FREM3: variants seen among roughly 807,000 people sequenced by gnomAD.
The protein encoded by FREM3 is FRAS1-related extracellular matrix protein 3.
In FREM3, 105 loss-of-function variants were observed where a neutral mutation model predicts 129.1. The observed-to-expected ratio is 0.81, with a 90% CI of 0.69 to 0.96. The LOEUF is 0.96. Among genes scored for constraint, FREM3 ranks in the 40% least tolerant of loss-of-function variants. The pLI is 0.00. For missense variants in FREM3, 2,593 were observed against 2,666.3 expected (o/e 0.97, Z 0.61); for synonymous variants, 1,014 against 1,044.9 (o/e 0.97, Z 0.57).
intron 2 of FREM3, among the ~76,000 whole-genome samples, chr4:143,656,271 A>T (rs1739598839): frequency 6.6e-6 from 1 of 152,166 alleles, no homozygotes; most frequent in Non-Finnish European, 1.5e-5. Flanking sequence ...TCAAGTCCTG[A>T]GTTCTAAAAA....
intron 2 of FREM3, among the ~76,000 whole-genome samples, chr4:143,662,123 T>C (rs531289248): frequency 1.3e-5 from 2 of 152,254 alleles, no homozygotes; most frequent in Admixed American, 6.5e-5. Flanking sequence ...ATTTCTTGCC[T>C]TCTGCTAGCT....
intron 2 of FREM3, among the ~76,000 whole-genome samples, chr4:143,665,027 C>A (rs551540771): frequency 1.3e-5 from 2 of 152,180 alleles, no homozygotes; most frequent in African/African-American, 2.4e-5. Flanking sequence ...AACTCCCTGA[C>A]CCCTTGCACT....
Position 143,698,385 on chromosome 4 carries a change from A to G in FREM3, c.2291T>C (p.Leu764Pro). 2.0e-6 allele frequency: 3 copies of G among 1,537,880 alleles called. No homozygotes were observed. Among genetic ancestry groups the G allele is most frequent in the Non-Finnish European group, 1.7e-6 (2 of 1,147,070 alleles). The change falls in exon 1 of 8, where the codon CTC becomes CCC. Residue 764 changes from leucine (L) to proline (P), a missense_variant. This residue lies in a region of FREM3 where 2,276 missense variants were observed against 2,267.2 expected (regional missense o/e 1.00). Coordinates refer to ENST00000329798, the MANE Select transcript of FREM3 (RefSeq NM_001168235.2). ...NHQVRAGEIV[L>P]TDSPDTLIMH... ...GATGAGTGTGTCTGGTGAATCAGTGAGCACAATTTCTCCAGCCCGGACTTG... is the reference window on the plus strand; with the variant it reads ...GATGAGTGTGTCTGGTGAATCAGTGGGCACAATTTCTCCAGCCCGGACTTG...
chr4:143,634,763 T>C (rs1439487915), intron 2 of FREM3, among the ~76,000 whole-genome samples: 1 of 151,826 alleles, frequency 6.6e-6, no homozygotes, highest in East Asian at 1.9e-4. Flanking sequence ...TGTGTGAGGG[T>C]CAGTTACAGG....
In FREM3 at chr4:143,700,594, C is replaced by T. The variant is rs1740682545; in HGVS notation, c.82G>A (p.Ala28Thr). The change falls in exon 1 of 8, where the codon GCG becomes ACG. Residue 28 changes from alanine (A) to threonine (T), a missense_variant. Physicochemically the swap from Ala to Thr is moderately conservative, Grantham distance 58. Transcript: ENST00000329798. Reference sequence around the variant, plus strand: ...AGTGAGGATGCCCGTCCCTGCAGCGCGGGGCGACTCAAGAGCAGGCAGGCG... The same window carrying T: ...AGTGAGGATGCCCGTCCCTGCAGCGTGGGGCGACTCAAGAGCAGGCAGGCG... The part of the protein sequence containing the change: ...ALACLLLSRP[A>T]LQGRASSLGT... 4.1e-6 allele frequency: 6 copies of T among 1,473,926 alleles called. No individual in the cohort carries two copies. Among genetic ancestry groups the T allele is most frequent in the Middle Eastern group, 1.9e-4 (1 of 5,304 alleles). The allele number at this position is 1,473,926 out of a possible 1,614,324, so 91.3% of individuals were successfully genotyped here.
At chr4:143,664,389 G>A (rs1211852590) in intron 2 of FREM3, among the ~76,000 whole-genome samples, 2 of 152,126 alleles carry the variant, frequency 1.3e-5, no homozygotes, top group African/African-American at 2.4e-5. Flanking sequence ...AGCGGTGTCT[G>A]CAGAACAGCA....
At chr4:143,594,448 T>G (rs1044715035) in intron 6 of FREM3, among the ~76,000 whole-genome samples, 2 of 152,206 alleles carry the variant, frequency 1.3e-5, no homozygotes, top group Non-Finnish European at 2.9e-5. Context: ...TGCCCTTGTA[T>G]TTTTAGTGAT....
chr4:143,678,056 A>C lies in FREM3; in HGVS notation c.5275+15057T>G, dbSNP rs960537872. 7.9e-5 allele frequency among the ~76,000 whole-genome samples: 12 copies of C among 152,306 alleles called. No individual in the cohort carries two copies. In the South Asian group the frequency reaches 1.5e-3, roughly 18 times the overall value. On this transcript the variant is annotated intron_variant, in intron 2 of 7. Transcript: ENST00000329798. ...CATTACTGGGTATATACCCAAAGGA[A>C]TATAAATCATGCTGCTATAAAGACA... is the stretch of plus-strand genomic sequence containing the variant.
rs550211994 is a variant in FREM3, at chr4:143,673,760, G to A, written c.5275+19353C>T. Among the ~76,000 whole-genome samples the A allele has an allele frequency of 6.0e-3, 915 of 152,332 alleles. 14 individuals carry two copies. The highest frequency in any genetic ancestry group is 0.021 in the African/African-American group (881 of 41,584). Reference sequence around the variant, plus strand: ...TCCACCCAGTTCAAGCTTCCTGGCCGCTTTGTTTACCTACTCAAGCCTCAG... The same window carrying A: ...TCCACCCAGTTCAAGCTTCCTGGCCACTTTGTTTACCTACTCAAGCCTCAG... On this transcript the variant is annotated intron_variant, in intron 2 of 7. Transcript: ENST00000329798.
chr4:143,617,597 T>A (rs1738874837), intron 5 of FREM3, among the ~76,000 whole-genome samples: 1 of 152,256 alleles, frequency 6.6e-6, no homozygotes, highest in Non-Finnish European at 1.5e-5. Context: ...TTATTGCCTA[T>A]TCTTTAACTA....
rs558629410 is a variant in FREM3 at position 143,627,638 on chromosome 4, A to G, written c.5398T>C (p.Tyr1800His). 7.2e-6 allele frequency: 11 copies of G among 1,536,322 alleles called. No homozygotes were observed. The highest frequency in any genetic ancestry group is 1.7e-4 in the Middle Eastern group (1 of 5,982). ...FLEVTLTRRG[Y>H]LGETSFISIG... ...CTGATAAATGATGTTTCTCCAAGGT[A>G]TCCTCTGCGTGTAAGGGTCACTTCT... The change falls in exon 3 of 8, where the codon TAC becomes CAC. Residue 1800 changes from tyrosine (Y) to histidine (H), a missense_variant. Coordinates refer to ENST00000329798, the MANE Select transcript of FREM3 (RefSeq NM_001168235.2).
intron 2 of FREM3, among the ~76,000 whole-genome samples, chr4:143,680,216 C>CTA (rs34374191): frequency 9.5e-4 from 141 of 148,068 alleles, no homozygotes; most frequent in Middle Eastern, 7.1e-3. Context: ...AGACCTTCCC[C>CTA]TATATATATA....
Position 143,660,651 on chromosome 4 carries a change from C to T in FREM3, c.5275+32462G>A, listed in dbSNP as rs983918984. Among the ~76,000 whole-genome samples, 6 of 152,056 alleles carry T rather than the reference C, an allele frequency of 3.9e-5. 1 individual carries two copies. Among genetic ancestry groups the T allele is most frequent in the South Asian group, 2.1e-4 (1 of 4,814 alleles). Reference sequence around the variant, plus strand: ...CATTGGTAGCTTGATGGGCATGGCACTGAATCTATAAATTACCTTGGGCAG... The same window carrying T: ...CATTGGTAGCTTGATGGGCATGGCATTGAATCTATAAATTACCTTGGGCAG... On this transcript the variant is annotated intron_variant, in intron 2 of 7. Coordinates refer to ENST00000329798, the MANE Select transcript of FREM3 (RefSeq NM_001168235.2).
At chr4:143,659,947 A>G (rs1342990857) in intron 2 of FREM3, among the ~76,000 whole-genome samples, 1 of 150,484 alleles carries the variant, frequency 6.6e-6, no homozygotes, top group African/African-American at 2.5e-5. Context: ...TTTTCTTGTA[A>G]ATTTGTTTGA....
Position 143,699,074 on chromosome 4 carries a change from G to A in FREM3, c.1602C>T (p.Leu534=). 6.5e-7 allele frequency: 1 copy of A among 1,537,488 alleles called. No individual in the cohort carries two copies. Among genetic ancestry groups the A allele is most frequent in the South Asian group, 1.2e-5 (1 of 84,054 alleles). The change falls in exon 1 of 8, where the codon CTC becomes CTT. Residue 534 remains leucine (L), a synonymous_variant. Transcript: ENST00000329798. The surrounding 1 kb of genome is among the most constrained non-coding windows in gnomAD (Gnocchi z 4.2). The stretch of plus-strand genomic sequence containing the variant: ...GTTCATCATCCACAGGTAGGATGGT[G>A]AGGGGAAAGAGGAAGTCCACTTGGT... The part of the protein sequence containing the change: ...GHHQVDFLFP[L]TILPVDDEPP...
intron 6 of FREM3, among the ~76,000 whole-genome samples, chr4:143,603,984 G>A (rs1332888543): frequency 1.3e-5 from 2 of 152,180 alleles, no homozygotes; most frequent in Non-Finnish European, 2.9e-5. Context: ...CAGTGTTGGA[G>A]GTGAGGCCAG....
intron 2 of FREM3, among the ~76,000 whole-genome samples, chr4:143,674,866 A>C (rs1740078572): frequency 6.6e-6 from 1 of 152,222 alleles, no homozygotes; most frequent in African/African-American, 2.4e-5. Flanking sequence ...TATTCACCCA[A>C]TACAGGAGCA....
intron 2 of FREM3, among the ~76,000 whole-genome samples, chr4:143,676,421 T>C (rs138623538): frequency 0.073 from 11,059 of 152,112 alleles, 1,071 homozygotes; most frequent in African/African-American, 0.21. Flanking sequence ...CATGACAGAC[T>C]CACAGCCAAT....
At chr4:143,623,632 C>T (rs551210638) in intron 4 of FREM3, among the ~76,000 whole-genome samples, 19 of 150,814 alleles carry the variant, frequency 1.3e-4, no homozygotes, top group African/African-American at 3.4e-4. Flanking sequence ...ATACAAAAAA[C>T]GAACCAATGA....
Sources: allele counts gnomAD v4.1 joint callset (sites outside exome capture counted in the v4.1 genomes callset), GRCh38; gene constraint gnomAD v4.1.1; regional missense constraint gnomAD v4.1.1; non-coding constraint Gnocchi (gnomAD v3.1); transcripts MANE v1.5; gene names NCBI Gene and HGNC (gene_info 2026-07-23, HGNC 2026-07-21).